TNNI3K: variants seen among roughly 807,000 people sequenced by gnomAD.
The protein encoded by TNNI3K is serine/threonine-protein kinase TNNI3K.
TNNI3K carries 140 observed loss-of-function variants against 114.5 expected under a neutral mutation model. That is an observed-to-expected ratio of 1.22 (90% confidence interval 1.07 to 1.41). The LOEUF is 1.41. Among genes scored for constraint, TNNI3K ranks in the 40% most tolerant of loss-of-function variants. The pLI is 0.00. For missense variants in TNNI3K, 1,125 were observed against 1,007.6 expected, an observed-to-expected ratio of 1.12 and a Z score of -1.58; for synonymous variants, 347 against 347.5, an observed-to-expected ratio of 1.00 and a Z score of 0.02.
At chr1:74,343,018 C>T in intron 8 of TNNI3K, 32 bp downstream of exon 8, 1 of 1,613,582 alleles carries the variant, frequency 6.2e-7, no homozygotes, top group Non-Finnish European at 8.5e-7. Context: ...ATAGGTTCTC[C>T]AGGTATACTG....
intron 23 of TNNI3K, among the ~76,000 whole-genome samples, chr1:74,498,853 T>TA (rs201841000): frequency 0.011 from 1,614 of 152,238 alleles, 16 homozygotes; most frequent in Non-Finnish European, 0.014. Context: ...GTGTGTTTTT[T>TA]AAAAAAAATT....
intron 2 of TNNI3K, chr1:74,240,134 T>G (rs902880518): frequency 8.0e-5 from 21 of 263,324 alleles, no homozygotes; most frequent in Admixed American, 7.5e-4. Context: ...TATAGGTCTA[T>G]CTCCCCACTA....
At chr1:74,442,418 T>C (rs771687886) in intron 20 of TNNI3K, among the ~76,000 whole-genome samples, 1 of 152,084 alleles carries the variant, frequency 6.6e-6, no homozygotes, top group African/African-American at 2.4e-5. Context: ...TCTTCTTTGT[T>C]AAAAAGGCTC....
At chr1:74,488,475 G>A (rs1004870636) in intron 21 of TNNI3K, among the ~76,000 whole-genome samples, 10 of 152,174 alleles carry the variant, frequency 6.6e-5, no homozygotes, top group Non-Finnish European at 1.0e-4. Flanking sequence ...AAATGATAGG[G>A]TGTATAGTTT....
intron 21 of TNNI3K, chr1:74,480,169 A>T (rs949080789): frequency 8.4e-6 from 6 of 716,798 alleles, no homozygotes; most frequent in Admixed American, 8.0e-5. Flanking sequence ...AGCCAAGGAC[A>T]GTCAGCAGGG....
rs1368419115 is a variant in TNNI3K, at chr1:74,402,961, C to T, written c.1772+32569C>T. Among the ~76,000 whole-genome samples the T allele has an allele frequency of 5.9e-5, 9 of 152,230 alleles. No homozygotes were observed. The East Asian group carries it at 1.7e-3, about 29-fold the overall frequency. ...TCTTCTTCCAATGGAATTTTAACAA[C>T]TCTGTAGTATTCCACTCATATTCAT... On this transcript the variant is annotated intron_variant, in intron 17 of 24. Transcript: ENST00000326637.
intron 22 of TNNI3K, among the ~76,000 whole-genome samples, chr1:74,490,070 A>AC (rs1668983723): frequency 6.6e-6 from 1 of 151,026 alleles, no homozygotes; most frequent in Non-Finnish European, 1.5e-5. Context: ...AAAAAAAAAA[A>AC]AAAAAACTCA....
rs200683757 is a variant in TNNI3K, at chr1:74,369,405, C to G, written c.1487C>G (p.Thr496Ser). The G allele has an allele frequency of 6.2e-6, 10 of 1,610,232 alleles. No homozygotes were observed. In the African/African-American group the frequency reaches 1.3e-4, roughly 22 times the overall value. The part of the protein sequence containing the change: ...IVAIKRYRAN[T>S]YCSKSDVDMF... ...GCCATTTCCAGTTATCGAGCCAATA[C>G]CTACTGCTCCAAGTCAGATGTGGAT... The change falls in exon 16 of 25, where the codon ACC becomes AGC. Residue 496 changes from threonine (T) to serine (S), a missense_variant. Coordinates refer to ENST00000326637, the MANE Select transcript of TNNI3K (RefSeq NM_015978.3).
chr1:74,536,056 T>C (rs1431940633), intron 23 of TNNI3K, among the ~76,000 whole-genome samples: 1 of 152,180 alleles, frequency 6.6e-6, no homozygotes, highest in Non-Finnish European at 1.5e-5. Context: ...AAAACTTCTG[T>C]TTAAATCATT....
intron 23 of TNNI3K, among the ~76,000 whole-genome samples, chr1:74,538,964 G>A (rs1027833038): frequency 2.0e-5 from 3 of 152,124 alleles, no homozygotes; most frequent in Admixed American, 1.3e-4. Flanking sequence ...AATGAACTGG[G>A]AAGCAATTGA....
chr1:74,303,026 C>T (rs530994489), intron 5 of TNNI3K, among the ~76,000 whole-genome samples: 1 of 152,248 alleles, frequency 6.6e-6, no homozygotes, highest in East Asian at 1.9e-4. Context: ...TTGTCAGCAA[C>T]TAATGCAGCA....
chr1:74,432,605 A>C (rs566063718), intron 17 of TNNI3K, among the ~76,000 whole-genome samples: 2 of 152,196 alleles, frequency 1.3e-5, no homozygotes, highest in East Asian at 3.9e-4. Context: ...CAATCTCTTG[A>C]AGGGAGGAAA....
chr1:74,242,981 C>T (rs1654339792), intron 2 of TNNI3K, among the ~76,000 whole-genome samples: 1 of 152,020 alleles, frequency 6.6e-6, no homozygotes, highest in African/African-American at 2.4e-5. Context: ...CTCCATGATT[C>T]CTTCTTTCCT....
chr1:74,544,096 T>C lies in TNNI3K; in HGVS notation c.*114T>C. The C allele has an allele frequency of 6.8e-6, 8 of 1,185,108 alleles. No individual in the cohort carries two copies. Among genetic ancestry groups the C allele is most frequent in the Non-Finnish European group, 9.3e-6 (8 of 863,484 alleles). The allele number at this position is 1,185,108 out of a possible 1,614,324, so 73.4% of individuals were successfully genotyped here. ...TTTTACTCTCAAAGGTCTCCTTAAA[T>C]TGGGCTTGTTTTTACTTGTCCTATT... On this transcript the variant is annotated 3_prime_UTR_variant, in exon 25 of 25. Coordinates refer to ENST00000326637, the MANE Select transcript of TNNI3K (RefSeq NM_015978.3).
chr1:74,446,872 A>G (rs894843956), intron 20 of TNNI3K, among the ~76,000 whole-genome samples: 6 of 147,210 alleles, frequency 4.1e-5, no homozygotes, highest in Non-Finnish European at 7.4e-5. Flanking sequence ...GTTAATTCTG[A>G]GGGCTCTGTT....
At chr1:74,353,462 G>T in intron 10 of TNNI3K, 102 bp downstream of exon 10, 1 of 1,204,188 alleles carries the variant, frequency 8.3e-7, no homozygotes, top group Non-Finnish European at 1.2e-6. Context: ...CTCAACTCCA[G>T]TGGGAAAGGG....
Position 74,486,098 on chromosome 1 carries a change from T to G in TNNI3K, c.2122-3091T>G, listed in dbSNP as rs568738889. Among the ~76,000 whole-genome samples the G allele has an allele frequency of 1.2e-3, 180 of 152,012 alleles. 1 individual carries two copies. The highest frequency in any genetic ancestry group is 3.9e-3 in the African/African-American group (160 of 41,348). ...TAAAACAATAACTAATACACTCCAG[T>G]TGCCCTGAATTCTGTCCTCTGTTCC... On this transcript the variant is annotated intron_variant, in intron 21 of 24. Transcript: ENST00000326637.
Position 74,235,401 on chromosome 1 carries a change from A to C in TNNI3K, c.-51A>C. 7.7e-7 allele frequency: 1 copy of C among 1,296,916 alleles called. No individual in the cohort carries two copies. Among genetic ancestry groups the C allele is most frequent in the Admixed American group, 2.2e-5 (1 of 45,728 alleles). The allele number at this position is 1,296,916 out of a possible 1,614,324, so 80.3% of individuals were successfully genotyped here. ...GGACTGTCACTGCACTTGAACTTGGAATCTTATAACTTGAAGAACTGCCCT... is the reference window on the plus strand; with the variant it reads ...GGACTGTCACTGCACTTGAACTTGGCATCTTATAACTTGAAGAACTGCCCT... On this transcript the variant is annotated 5_prime_UTR_variant, in exon 1 of 25. Coordinates refer to ENST00000326637, the MANE Select transcript of TNNI3K (RefSeq NM_015978.3).
intron 11 of TNNI3K, among the ~76,000 whole-genome samples, chr1:74,362,993 C>T (rs1368141585): frequency 6.6e-6 from 1 of 152,066 alleles, no homozygotes; most frequent in East Asian, 1.9e-4. Context: ...TAGCGACCTT[C>T]TATTTTGGTA....
Sources: gnomAD v4.1 joint callset for allele counts (sites outside exome capture counted in the v4.1 genomes callset) on GRCh38, gnomAD v4.1.1 for gene constraint, MANE v1.5 for transcripts, NCBI Gene and HGNC (gene_info 2026-07-23, HGNC 2026-07-21) for gene names.